TMC1: variants seen among roughly 807,000 people sequenced by gnomAD.
TMC1 encodes the protein transmembrane channel-like protein 1.
Under a neutral mutation model 105.8 loss-of-function variants are expected in TMC1, and 84 were observed. The ratio of observed to expected loss-of-function variants is 0.79; its 90% CI spans 0.67 to 0.95. The LOEUF (loss-of-function observed/expected upper bound fraction) is 0.95, where lower values mean the gene tolerates loss of function less well. TMC1 is among the 40% of genes least tolerant of loss of function. The pLI, the probability that TMC1 is intolerant of heterozygous loss-of-function variation, is 0.00. For synonymous variants in TMC1, 315 were observed against 311.5 expected, an observed-to-expected ratio of 1.01 and a Z score of -0.12; for missense variants, 817 against 914.1, an observed-to-expected ratio of 0.89 and a Z score of 1.37.
chr9:72,595,208 G>A (rs1019127636), intron 2 of TMC1, among the ~76,000 whole-genome samples: 10 of 152,118 alleles, frequency 6.6e-5, no homozygotes, highest in African/African-American at 2.2e-4. Context: ...TAGACTTACT[G>A]AAGGATTTGA....
At chr9:72,535,243 C>G (rs1014221924) in intron 1 of TMC1, among the ~76,000 whole-genome samples, 1 of 152,150 alleles carries the variant, frequency 6.6e-6, no homozygotes, top group Non-Finnish European at 1.5e-5. Context: ...ACAAAGTACC[C>G]CGATGTCTTC....
At chr9:72,782,431 T>C (rs1448015643) in intron 13 of TMC1, among the ~76,000 whole-genome samples, 1 of 152,134 alleles carries the variant, frequency 6.6e-6, no homozygotes, top group Non-Finnish European at 1.5e-5. Flanking sequence ...ACTATTCTTA[T>C]TCAACATAGT....
chr9:72,772,325 T>G lies in TMC1; in HGVS notation c.742-88T>G, dbSNP rs1827940948. 3 of 1,564,212 alleles carry G rather than the reference T, an allele frequency of 1.9e-6. No individual in the cohort carries two copies. The Admixed American group carries it at 5.0e-5, about 26-fold the overall frequency. On this transcript the variant is annotated intron_variant, in intron 12 of 23. Transcript: ENST00000297784. ...TGTGACCCAAGTTTGAAAATTAATGTCATTTTGTTATTTCTCTTAAGAGTT... is the reference window on the plus strand; with the variant it reads ...TGTGACCCAAGTTTGAAAATTAATGGCATTTTGTTATTTCTCTTAAGAGTT...
intron 14 of TMC1, 24 bp from the exon 15 acceptor site, chr9:72,789,098 TG>T: frequency 6.2e-7 from 1 of 1,610,962 alleles, no homozygotes; most frequent in Non-Finnish European, 8.5e-7. Context: ...GGTTTTTGTT[TG>T]TTTGTTTGTT....
chr9:72,736,618 A>G (rs886491370), intron 8 of TMC1, among the ~76,000 whole-genome samples: 1 of 152,206 alleles, frequency 6.6e-6, no homozygotes, highest in African/African-American at 2.4e-5. Context: ...CATATGAAAA[A>G]CAAATTTTAA....
At chr9:72,807,744 A>G (rs764324378) in intron 18 of TMC1, among the ~76,000 whole-genome samples, 1 of 152,226 alleles carries the variant, frequency 6.6e-6, no homozygotes. Flanking sequence ...TCACAGTCTA[A>G]TAAGAGCTCG....
chr9:72,559,478 C>A (rs1315647828), intron 1 of TMC1, among the ~76,000 whole-genome samples: 2 of 152,088 alleles, frequency 1.3e-5, no homozygotes, highest in African/African-American at 4.8e-5. Flanking sequence ...GAAACAAACT[C>A]TAGTGTCACC....
At chr9:72,768,334 G>A (rs1479375421) in intron 12 of TMC1, among the ~76,000 whole-genome samples, 1 of 151,256 alleles carries the variant, frequency 6.6e-6, no homozygotes, top group African/African-American at 2.4e-5. Flanking sequence ...GGGGTTGGGG[G>A]CTAGGGGAGG....
intron 1 of TMC1, among the ~76,000 whole-genome samples, chr9:72,560,133 G>A (rs1473962527): frequency 6.6e-6 from 1 of 152,160 alleles, no homozygotes; most frequent in African/African-American, 2.4e-5. Flanking sequence ...TCAGAACATT[G>A]TTGAAAACAC....
At chr9:72,529,560 T>C (rs534392965) in intron 1 of TMC1, among the ~76,000 whole-genome samples, 2 of 151,808 alleles carry the variant, frequency 1.3e-5, no homozygotes, top group African/African-American at 4.9e-5. Flanking sequence ...TATGTGTGTG[T>C]GTTTGTGTGT....
At chr9:72,600,262 C>T (rs1047533347) in intron 2 of TMC1, among the ~76,000 whole-genome samples, 1 of 152,202 alleles carries the variant, frequency 6.6e-6, no homozygotes, top group African/African-American at 2.4e-5. Flanking sequence ...ACAGAGCTTA[C>T]TGACTATACT....
At chr9:72,741,151 A>G in intron 9 of TMC1, 1 of 163,154 alleles carries the variant, frequency 6.1e-6, no homozygotes, top group Non-Finnish European at 1.3e-5. Flanking sequence ...CTCATACACA[A>G]TTACTTGTCT....
chr9:72,652,248 A>G (rs1220100041), intron 5 of TMC1, among the ~76,000 whole-genome samples: 2 of 152,172 alleles, frequency 1.3e-5, no homozygotes, highest in Non-Finnish European at 2.9e-5. Context: ...AAGGCAGCAG[A>G]AAGAGGTTTG....
chr9:72,636,974 T>C (rs886569349), intron 4 of TMC1, among the ~76,000 whole-genome samples: 5 of 151,816 alleles, frequency 3.3e-5, no homozygotes, highest in African/African-American at 9.7e-5. Context: ...AAAGAATTAT[T>C]CAGTCCAAAG....
At chr9:72,650,903 A>ATATATATATATATATATATAT (rs1825801321) in intron 5 of TMC1, among the ~76,000 whole-genome samples, 7 of 126,728 alleles carry the variant, frequency 5.5e-5, no homozygotes, top group African/African-American at 6.1e-5. Context: ...TATATATATA[A>ATATATATATATATATATATAT]ATATATATAG....
At chr9:72,827,519 G>C (rs1317665958) in intron 21 of TMC1, among the ~76,000 whole-genome samples, 3 of 152,216 alleles carry the variant, frequency 2.0e-5, no homozygotes, top group African/African-American at 7.2e-5. Context: ...CACGATAATA[G>C]AATCAGAGGA....
intron 4 of TMC1, among the ~76,000 whole-genome samples, chr9:72,633,602 C>T (rs1279626862): frequency 6.6e-6 from 1 of 152,156 alleles, no homozygotes; most frequent in Admixed American, 6.6e-5. Flanking sequence ...ATTGTTCCCA[C>T]TCAGTTCGTT....
chr9:72,691,696 A>G (rs1444833), intron 6 of TMC1, among the ~76,000 whole-genome samples: 85,922 of 151,962 alleles, frequency 0.57, 25,637 homozygotes, highest in African/African-American at 0.77. Context: ...TGTTTCCAGT[A>G]GTCCCCAGGC....
intron 2 of TMC1, among the ~76,000 whole-genome samples, chr9:72,599,791 C>T (rs558502220): frequency 1.4e-5 from 2 of 143,746 alleles, no homozygotes; most frequent in East Asian, 4.0e-4. Context: ...GCCTGGGCGA[C>T]AAGAGCCAAA....
Sources: gnomAD v4.1 joint callset for allele counts (sites outside exome capture counted in the v4.1 genomes callset) on GRCh38, gnomAD v4.1.1 for gene constraint, MANE v1.5 for transcripts, NCBI Gene and HGNC (gene_info 2026-07-23, HGNC 2026-07-21) for gene names.